ZNF804B: variants seen among roughly 807,000 people sequenced by gnomAD.
The protein encoded by ZNF804B is zinc finger 804B.
In ZNF804B, 80 loss-of-function variants were observed where a neutral mutation model predicts 101.4. The ratio of observed to expected loss-of-function variants is 0.79; its 90% CI spans 0.66 to 0.95. The LOEUF is 0.95. Ranked by LOEUF, ZNF804B falls within the 40% of genes least tolerant of loss-of-function variation. The pLI, the probability that ZNF804B is intolerant of heterozygous loss-of-function variation, is 0.00. For synonymous variants in ZNF804B, 622 were observed against 558.8 expected, an observed-to-expected ratio of 1.11 and a Z score of -1.59; for missense variants, 1,673 against 1,561.9, an observed-to-expected ratio of 1.07 and a Z score of -1.20.
At chr7:88,879,179 C>A (rs1210103099) in intron 1 of ZNF804B, among the ~76,000 whole-genome samples, 1 of 152,140 alleles carries the variant, frequency 6.6e-6, no homozygotes, top group Non-Finnish European at 1.5e-5. Flanking sequence ...ATATAAACAT[C>A]TTTGGAGGAG....
chr7:89,336,126 A>G lies in ZNF804B; in HGVS notation c.3144A>G (p.Thr1048=). Residue 1048 remains threonine (T), a synonymous_variant, in exon 4 of 4, where the codon ACA becomes ACG. Transcript: ENST00000333190. Reference sequence around the variant, plus strand: ...TAAACATAAAAAGGGATGCAACAACAAAAGAACAATCAAAACCTTTAATTA... The same window carrying G: ...TAAACATAAAAAGGGATGCAACAACGAAAGAACAATCAAAACCTTTAATTA... ...QSLNIKRDAT[T]KEQSKPLISE... 1 of 1,613,958 alleles carries G rather than the reference A, an allele frequency of 6.2e-7. No homozygotes were observed. Among genetic ancestry groups the G allele is most frequent in the Non-Finnish European group, 8.5e-7 (1 of 1,179,992 alleles).
intron 2 of ZNF804B, among the ~76,000 whole-genome samples, chr7:89,267,513 T>C (rs1255553258): frequency 6.6e-6 from 1 of 152,304 alleles, no homozygotes; most frequent in Non-Finnish European, 1.5e-5. Flanking sequence ...TCCCTCTATG[T>C]GTTGATCAAA....
rs115178854 is a variant in ZNF804B at position 89,075,850 on chromosome 7, C to G, written c.109-142305C>G. The stretch of plus-strand genomic sequence containing the variant: ...CAAAGGTGCCCGAGACCATGGGAAC[C>G]CATCTCTTGGATCAGCATGACCTGA... On this transcript the variant is annotated intron_variant, in intron 1 of 3. Coordinates refer to ENST00000333190, the MANE Select transcript of ZNF804B (RefSeq NM_181646.5). Among the ~76,000 whole-genome samples the G allele has an allele frequency of 9.5e-3, 1,454 of 152,304 alleles. 28 individuals carry two copies. Among genetic ancestry groups the G allele is most frequent in the African/African-American group, 0.033 (1,382 of 41,568 alleles).
chr7:88,805,498 G>C (rs903959941), intron 1 of ZNF804B, among the ~76,000 whole-genome samples: 1 of 152,062 alleles, frequency 6.6e-6, no homozygotes, highest in Non-Finnish European at 1.5e-5. Flanking sequence ...TTTAACTCAA[G>C]GTACCTCCAC....
intron 1 of ZNF804B, among the ~76,000 whole-genome samples, chr7:89,112,105 CAAAAAAAA>C (rs3060290): frequency 4.3e-4 from 51 of 118,770 alleles, no homozygotes; most frequent in African/African-American, 1.6e-3. Flanking sequence ...GACTCTATCT[CAAAAAAAA>C]AAAAAAAAAA....
intron 1 of ZNF804B, among the ~76,000 whole-genome samples, chr7:88,763,336 C>A (rs1334434224): frequency 1.3e-5 from 2 of 151,844 alleles, no homozygotes; most frequent in African/African-American, 4.8e-5. Context: ...GCATTTTACC[C>A]CCAAACAGTT....
At chr7:88,827,733 G>T (rs1791070191) in intron 1 of ZNF804B, among the ~76,000 whole-genome samples, 1 of 151,976 alleles carries the variant, frequency 6.6e-6, no homozygotes, top group South Asian at 2.1e-4. Flanking sequence ...CGTTCTCTGT[G>T]CAGCATGCCG....
chr7:89,297,526 T>C (rs1241294475), intron 2 of ZNF804B, among the ~76,000 whole-genome samples: 1 of 152,064 alleles, frequency 6.6e-6, no homozygotes, highest in Non-Finnish European at 1.5e-5. Context: ...AATCGTAATA[T>C]ATTTTTTGAA....
chr7:89,148,095 C>A (rs901583565), intron 1 of ZNF804B, among the ~76,000 whole-genome samples: 3 of 151,930 alleles, frequency 2.0e-5, no homozygotes, highest in African/African-American at 7.2e-5. Context: ...GCTTAGGAGT[C>A]ATTTTGATAT....
At chr7:88,775,334 G>A (rs370590102) in intron 1 of ZNF804B, among the ~76,000 whole-genome samples, 1 of 152,134 alleles carries the variant, frequency 6.6e-6, no homozygotes, top group East Asian at 1.9e-4. Flanking sequence ...CTCAGAGGCC[G>A]AGGGGCAACA....
Position 88,794,864 on chromosome 7 carries a change from G to A in ZNF804B, c.108+34780G>A, listed in dbSNP as rs769670567. 44 of 1,612,812 alleles carry A rather than the reference G, an allele frequency of 2.7e-5. No homozygotes were observed. In the South Asian group the frequency reaches 2.8e-4, roughly 10 times the overall value. ...TCTTGAAAGTGCAGGTAATTGCTAC[G>A]TGGGACTTGGAGAAAAAGAAGAGGT... On this transcript the variant is annotated intron_variant, in intron 1 of 3. Transcript: ENST00000333190.
At chr7:88,845,183 T>C (rs1791350175) in intron 1 of ZNF804B, among the ~76,000 whole-genome samples, 1 of 152,198 alleles carries the variant, frequency 6.6e-6, no homozygotes, top group South Asian at 2.1e-4. Flanking sequence ...TTTTAATCTA[T>C]TACGTGTTGA....
intron 2 of ZNF804B, among the ~76,000 whole-genome samples, chr7:89,260,028 G>GAGAA (rs1355989542): frequency 6.6e-6 from 1 of 151,936 alleles, no homozygotes; most frequent in Non-Finnish European, 1.5e-5. Context: ...GAGAGAGGGA[G>GAGAA]AGAAAGAAAG....
chr7:88,786,272 G>A (rs1360528036), intron 1 of ZNF804B, among the ~76,000 whole-genome samples: 1 of 152,100 alleles, frequency 6.6e-6, no homozygotes, highest in Non-Finnish European at 1.5e-5. Context: ...CTATACCAGT[G>A]AATTTGGGGA....
chr7:89,247,027 A>G (rs1289217894), intron 2 of ZNF804B, among the ~76,000 whole-genome samples: 3 of 152,154 alleles, frequency 2.0e-5, no homozygotes, highest in Non-Finnish European at 4.4e-5. Flanking sequence ...TCTCCACTAC[A>G]TGCCTGCACA....
intron 1 of ZNF804B, among the ~76,000 whole-genome samples, chr7:88,941,889 T>C (rs1483824484): frequency 4.6e-5 from 7 of 151,898 alleles, no homozygotes; most frequent in Non-Finnish European, 5.9e-5. Flanking sequence ...AATTTAAGTA[T>C]ATATAAGGCA....
At position 88,988,211 on chromosome 7, in the gene ZNF804B, A is replaced by AAAAAT. The variant is rs1378256450; in HGVS notation, c.108+228132_108+228136dup. ...CACTAAAACACATTTTACCACCAAGAAAAATAAAAACGAAAAGGAGCTGTC... is the reference window on the plus strand; with the variant it reads ...CACTAAAACACATTTTACCACCAAGAAAAATAAAATAAAAACGAAAAGGAGCTGTC... On this transcript the variant is annotated intron_variant, in intron 1 of 3. Transcript: ENST00000333190. Among the ~76,000 whole-genome samples, 7 of 152,180 alleles carry AAAAAT rather than the reference A, an allele frequency of 4.6e-5. No individual in the cohort carries two copies. The East Asian group carries it at 1.4e-3, about 29-fold the overall frequency.
intron 1 of ZNF804B, among the ~76,000 whole-genome samples, chr7:89,190,883 G>T (rs1353354249): frequency 6.6e-6 from 1 of 152,044 alleles, no homozygotes; most frequent in East Asian, 1.9e-4. Flanking sequence ...TTAAAATTAT[G>T]CCAGGTACCT....
At chr7:88,845,291 G>GCGCACACACACACA (rs1261617236) in intron 1 of ZNF804B, among the ~76,000 whole-genome samples, 1 of 106,450 alleles carries the variant, frequency 9.4e-6, no homozygotes, top group African/African-American at 3.9e-5. Context: ...ACGCGCGCGC[G>GCGCACACACACACA]CACGCGCGCG....
Sources: gnomAD v4.1 joint callset for allele counts (sites outside exome capture counted in the v4.1 genomes callset) on GRCh38, gnomAD v4.1.1 for gene constraint, MANE v1.5 for transcripts, NCBI Gene and HGNC (gene_info 2026-07-23, HGNC 2026-07-21) for gene names.